The following CAMTA1 variants were observed in gnomAD, a reference collection of about 807,000 sequenced individuals.
CAMTA1 encodes calmodulin-binding transcription activator 1.
CAMTA1 carries 27 observed loss-of-function variants against 170.9 expected under a neutral mutation model. That is an observed-to-expected ratio of 0.16 (90% confidence interval 0.12 to 0.22). The LOEUF (loss-of-function observed/expected upper bound fraction) is 0.22, where lower values mean the gene tolerates loss of function less well. Ranked by LOEUF, CAMTA1 falls within the 10% of genes least tolerant of loss-of-function variation. The pLI is 1.00. For missense variants in CAMTA1, 1,619 were observed against 2,217.2 expected (o/e 0.73, Z 5.42); for synonymous variants, 833 against 891.5 (o/e 0.93, Z 1.17).
At chr1:7,031,799 C>G (rs1702850621) in intron 3 of CAMTA1, among the ~76,000 whole-genome samples, 1 of 152,110 alleles carries the variant, frequency 6.6e-6, no homozygotes, top group African/African-American at 2.4e-5. Flanking sequence ...CCTTGGCCTC[C>G]TGAAGTGCTG....
chr1:7,745,741 C>T (rs1055400632), intron 17 of CAMTA1, 104 bp from the exon 18 acceptor site: 5 of 1,413,514 alleles, frequency 3.5e-6, no homozygotes, highest in Non-Finnish European at 3.9e-6. Flanking sequence ...CCTAATTGCC[C>T]ACAGTGGCTT....
At chr1:7,182,877 A>C (rs976279707) in intron 4 of CAMTA1, among the ~76,000 whole-genome samples, 8 of 152,198 alleles carry the variant, frequency 5.3e-5, no homozygotes, top group Admixed American at 5.2e-4. Flanking sequence ...AATGGCTTTG[A>C]GCTGTCATTT....
chr1:6,921,093 T>A (rs1396812220), intron 3 of CAMTA1, among the ~76,000 whole-genome samples: 1 of 152,228 alleles, frequency 6.6e-6, no homozygotes, highest in Non-Finnish European at 1.5e-5. Flanking sequence ...TTTCCAAACT[T>A]TTATGCTGTT....
chr1:6,945,862 C>T (rs1687488742), intron 3 of CAMTA1, among the ~76,000 whole-genome samples: 1 of 152,170 alleles, frequency 6.6e-6, no homozygotes, highest in Admixed American at 6.5e-5. Flanking sequence ...TGGATAACAT[C>T]CTGTTGTATG....
chr1:6,924,504 C>T (rs760050246), intron 3 of CAMTA1, among the ~76,000 whole-genome samples: 1 of 152,164 alleles, frequency 6.6e-6, no homozygotes, highest in Admixed American at 6.5e-5. Flanking sequence ...TGACCAGGGG[C>T]GGCCCTCCCT....
At chr1:7,223,480 G>A (rs1227100612) in intron 4 of CAMTA1, among the ~76,000 whole-genome samples, 1 of 151,990 alleles carries the variant, frequency 6.6e-6, no homozygotes, top group Non-Finnish European at 1.5e-5. Context: ...GTCCTGAGGG[G>A]TCAGGAAAGC....
At chr1:6,997,034 C>T (rs1697368100) in intron 3 of CAMTA1, among the ~76,000 whole-genome samples, 1 of 152,094 alleles carries the variant, frequency 6.6e-6, no homozygotes, top group African/African-American at 2.4e-5. Flanking sequence ...TGCAAGCGAA[C>T]CTTTTGTTGG....
At chr1:7,194,678 G>C (rs890030705) in intron 4 of CAMTA1, among the ~76,000 whole-genome samples, 3 of 152,196 alleles carry the variant, frequency 2.0e-5, no homozygotes, top group African/African-American at 7.2e-5. Flanking sequence ...CAAGCTGAAA[G>C]GGAGAGGGCA....
At chr1:7,372,240 T>C (rs961141588) in intron 5 of CAMTA1, among the ~76,000 whole-genome samples, 19 of 152,126 alleles carry the variant, frequency 1.2e-4, no homozygotes, top group African/African-American at 4.6e-4. Flanking sequence ...CAGAAGCTGC[T>C]CTCCTTCGTG....
chr1:6,962,621 C>T (rs1392199081), intron 3 of CAMTA1, among the ~76,000 whole-genome samples: 4 of 147,108 alleles, frequency 2.7e-5, no homozygotes, highest in East Asian at 4.1e-4. Context: ...CCCGCCCCGC[C>T]CCTCTGGACC....
At chr1:7,260,811 G>A (rs1365343811) in intron 5 of CAMTA1, among the ~76,000 whole-genome samples, 3 of 152,206 alleles carry the variant, frequency 2.0e-5, no homozygotes, top group Admixed American at 1.3e-4. Context: ...AAACTGGAGA[G>A]GCTCTCTTTC....
At chr1:7,167,420 C>T (rs1486759298) in intron 4 of CAMTA1, among the ~76,000 whole-genome samples, 1 of 152,086 alleles carries the variant, frequency 6.6e-6, no homozygotes, top group African/African-American at 2.4e-5. Flanking sequence ...TGTTTCTGGG[C>T]CCCTTATGCC....
At chr1:6,987,034 T>C (rs1450398507) in intron 3 of CAMTA1, among the ~76,000 whole-genome samples, 2 of 152,158 alleles carry the variant, frequency 1.3e-5, no homozygotes, top group Non-Finnish European at 2.9e-5. Flanking sequence ...TGTGTGTCTC[T>C]GAGTTAGGGT....
chr1:7,119,111 CT>C (rs1163101716), intron 4 of CAMTA1, among the ~76,000 whole-genome samples: 1 of 152,158 alleles, frequency 6.6e-6, no homozygotes, highest in Non-Finnish European at 1.5e-5. Context: ...CCAAGGACCC[CT>C]GATGTCAGTT....
chr1:7,729,021 G>A (rs1028959464), intron 11 of CAMTA1, among the ~76,000 whole-genome samples: 1 of 152,164 alleles, frequency 6.6e-6, no homozygotes, highest in Non-Finnish European at 1.5e-5. Flanking sequence ...TGTGCAATTG[G>A]AAGGAAGACG....
chr1:7,026,950 G>A (rs1702104487), intron 3 of CAMTA1, among the ~76,000 whole-genome samples: 1 of 151,964 alleles, frequency 6.6e-6, no homozygotes, highest in Admixed American at 6.6e-5. Flanking sequence ...TACCTTTTCC[G>A]GCATGACCTT....
chr1:6,972,103 A>T (rs2149587616), intron 3 of CAMTA1, among the ~76,000 whole-genome samples: 2 of 152,132 alleles, frequency 1.3e-5, no homozygotes, highest in East Asian at 3.9e-4. Context: ...TTTGCTTCTC[A>T]TTTTCCTCCC....
At chr1:7,671,086 G>A (rs763638900) in intron 10 of CAMTA1, 49 bp downstream of exon 10, 13 of 1,602,508 alleles carry the variant, frequency 8.1e-6, no homozygotes, top group Middle Eastern at 1.7e-4. Context: ...ATGGCCTGAG[G>A]AGCACTGGAC....
chr1:7,036,042 C>T (rs1703549937), intron 3 of CAMTA1, among the ~76,000 whole-genome samples: 1 of 152,030 alleles, frequency 6.6e-6, no homozygotes, highest in East Asian at 1.9e-4. Flanking sequence ...TTTATGGACG[C>T]CTACGTATAT....
Sources: gnomAD v4.1 joint callset for allele counts (sites outside exome capture counted in the v4.1 genomes callset) on GRCh38, gnomAD v4.1.1 for gene constraint, MANE v1.5 for transcripts, NCBI Gene and HGNC (gene_info 2026-07-23, HGNC 2026-07-21) for gene names.